The following RPS6KC1 variants were observed in gnomAD, a reference collection of about 807,000 sequenced individuals.
RPS6KC1 encodes the protein ribosomal protein S6 kinase C1.
RPS6KC1 carries 54 observed loss-of-function variants against 103.8 expected under a neutral mutation model. The ratio of observed to expected loss-of-function variants is 0.52; its 90% confidence interval spans 0.42 to 0.65. The LOEUF (loss-of-function observed/expected upper bound fraction) is 0.65. Among genes scored for constraint, RPS6KC1 ranks in the 30% least tolerant of loss-of-function variants. RPS6KC1 has a pLI of 0.00. For synonymous variants in RPS6KC1, 439 were observed against 438.7 expected (o/e 1.00, Z -0.01); for missense variants, 1,151 against 1,253.8 (o/e 0.92, Z 1.24).
At chr1:213,788,901 A>C in the RPS6KC1 span, among the ~76,000 whole-genome samples, 3 of 152,092 alleles carry the variant, frequency 2.0e-5, no homozygotes, top group Admixed American at 6.5e-5. Flanking sequence ...TTTCACACAC[A>C]CACACAAAGT....
chr1:213,396,674 G>A, the RPS6KC1 span, among the ~76,000 whole-genome samples: 2 of 152,212 alleles, frequency 1.3e-5, no homozygotes, highest in Non-Finnish European at 2.9e-5. Flanking sequence ...GTCTGTACAT[G>A]CTCTCCTCTG....
chr1:213,668,302 A>T, the RPS6KC1 span, among the ~76,000 whole-genome samples: 1 of 151,350 alleles, frequency 6.6e-6, no homozygotes. Context: ...TTTAGCAGGC[A>T]TGGAAACAAT....
chr1:213,856,779 T>C, the RPS6KC1 span, among the ~76,000 whole-genome samples: 2 of 152,244 alleles, frequency 1.3e-5, no homozygotes, highest in Non-Finnish European at 2.9e-5. Context: ...ACCAATTCTA[T>C]CGTGTAGGCA....
At position 213,215,346 on chromosome 1, in the gene RPS6KC1, C is replaced by T. The variant is rs146171514; in HGVS notation, c.1045-15151C>T. Among the ~76,000 whole-genome samples, 97 of 152,186 alleles carry T rather than the reference C, an allele frequency of 6.4e-4. No homozygotes were observed. The East Asian group carries it at 7.1e-3, about 11-fold the overall frequency. On this transcript the variant is annotated intron_variant, in intron 8 of 14. Coordinates refer to ENST00000366960, the MANE Select transcript of RPS6KC1 (RefSeq NM_012424.6). Reference sequence around the variant, plus strand: ...TTAGAGAAAAAAGAATAAAAAGAAACGAACAAAGCCTCCAAGAAATGTGGG... The same window carrying T: ...TTAGAGAAAAAAGAATAAAAAGAAATGAACAAAGCCTCCAAGAAATGTGGG...
At chr1:213,693,233 C>T in the RPS6KC1 span, among the ~76,000 whole-genome samples, 27 of 152,340 alleles carry the variant, frequency 1.8e-4, no homozygotes, top group Admixed American at 1.6e-3. Flanking sequence ...TTCCCTCCTT[C>T]TCTCCTCTTG....
chr1:213,650,617 C>T, the RPS6KC1 span, among the ~76,000 whole-genome samples: 1 of 152,110 alleles, frequency 6.6e-6, no homozygotes, highest in African/African-American at 2.4e-5. Context: ...TGAACGGAAA[C>T]CTGGGGAGTG....
chr1:213,644,712 A>G, the RPS6KC1 span, among the ~76,000 whole-genome samples: 1 of 152,172 alleles, frequency 6.6e-6, no homozygotes, highest in African/African-American at 2.4e-5. Flanking sequence ...CAAATGTCCT[A>G]GGAGTGGAAT....
chr1:213,133,085 T>C (rs1452490788), intron 6 of RPS6KC1, among the ~76,000 whole-genome samples: 2 of 152,182 alleles, frequency 1.3e-5, no homozygotes, highest in African/African-American at 2.4e-5. Context: ...GACACTTCAC[T>C]TACTCCCTCT....
At chr1:213,647,505 A>T in the RPS6KC1 span, among the ~76,000 whole-genome samples, 3 of 152,194 alleles carry the variant, frequency 2.0e-5, no homozygotes, top group Non-Finnish European at 4.4e-5. Flanking sequence ...CTGGGTACCG[A>T]TTCTTGTTCT....
the RPS6KC1 span, among the ~76,000 whole-genome samples, chr1:213,526,103 G>A: frequency 1.3e-3 from 196 of 152,254 alleles, 1 homozygote; most frequent in African/African-American, 4.6e-3. Flanking sequence ...AGAACAAAAG[G>A]ATAATTCTAG....
chr1:213,455,092 C>T, the RPS6KC1 span, among the ~76,000 whole-genome samples: 1 of 152,132 alleles, frequency 6.6e-6, no homozygotes, highest in South Asian at 2.1e-4. Context: ...AATTTGATTC[C>T]TCCCAGAACC....
At chr1:213,714,396 A>C in the RPS6KC1 span, among the ~76,000 whole-genome samples, 2 of 152,254 alleles carry the variant, frequency 1.3e-5, no homozygotes, top group Non-Finnish European at 2.9e-5. Context: ...ATACCAGTAG[A>C]TTATCTTTCC....
At chr1:213,595,110 C>T in the RPS6KC1 span, among the ~76,000 whole-genome samples, 8 of 152,148 alleles carry the variant, frequency 5.3e-5, no homozygotes, top group Non-Finnish European at 1.2e-4. Context: ...GGACACCACT[C>T]GGGGACTGCA....
At chr1:213,180,163 A>T (rs1558487306) in intron 8 of RPS6KC1, among the ~76,000 whole-genome samples, 1 of 140,384 alleles carries the variant, frequency 7.1e-6, no homozygotes, top group Non-Finnish European at 1.5e-5. Context: ...TAACCTGATT[A>T]AAAAAAAATG....
At chr1:213,283,102 G>A in the RPS6KC1 span, among the ~76,000 whole-genome samples, 19 of 152,186 alleles carry the variant, frequency 1.2e-4, 1 homozygote, top group South Asian at 3.1e-3. Flanking sequence ...TCTAACTTTC[G>A]GCAGCTCTGC....
the RPS6KC1 span, among the ~76,000 whole-genome samples, chr1:213,749,658 C>T: frequency 6.6e-6 from 1 of 152,170 alleles, no homozygotes; most frequent in Non-Finnish European, 1.5e-5. Flanking sequence ...CACCTCCCAC[C>T]TCCCCCACCT....
At chr1:213,848,887 G>A in the RPS6KC1 span, among the ~76,000 whole-genome samples, 1 of 152,132 alleles carries the variant, frequency 6.6e-6, no homozygotes, top group African/African-American at 2.4e-5. Flanking sequence ...CATGTTCAAG[G>A]TTTGAGGGGA....
the RPS6KC1 span, among the ~76,000 whole-genome samples, chr1:213,831,724 A>G: frequency 6.6e-6 from 1 of 152,208 alleles, no homozygotes; most frequent in Non-Finnish European, 1.5e-5. Flanking sequence ...TCTTATCTCT[A>G]AGATTGAAAT....
At chr1:213,320,680 A>G in the RPS6KC1 span, among the ~76,000 whole-genome samples, 1 of 152,196 alleles carries the variant, frequency 6.6e-6, no homozygotes, top group Non-Finnish European at 1.5e-5. Flanking sequence ...TCCCTCCGGG[A>G]TCATCAGACC....
Sources: allele counts gnomAD v4.1 joint callset (sites outside exome capture counted in the v4.1 genomes callset), GRCh38; gene constraint gnomAD v4.1.1; transcripts MANE v1.5; gene names NCBI Gene and HGNC (gene_info 2026-07-23, HGNC 2026-07-21).